CD8A: variants seen among roughly 807,000 people sequenced by gnomAD.
CD8A encodes the protein CD8 subunit alpha.
CD8A carries 25 observed loss-of-function variants against 24.2 expected under a neutral mutation model. The ratio of observed to expected loss-of-function variants is 1.03; its 90% CI spans 0.75 to 1.44. The LOEUF (loss-of-function observed/expected upper bound fraction) is 1.44, where lower values mean the gene tolerates loss of function less well. CD8A is among the 40% of genes most tolerant of loss of function. The pLI is 0.00. For missense variants in CD8A, 360 were observed against 319.7 expected (o/e 1.13, Z -0.96); for synonymous variants, 165 against 149.9 (o/e 1.10, Z -0.74).
chr2:86,790,688 G>A lies in CD8A; in HGVS notation c.50-7C>T. 6 of 1,594,876 alleles carry A rather than the reference G, an allele frequency of 3.8e-6. No homozygotes were observed. The highest frequency in any genetic ancestry group is 1.3e-5 in the African/African-American group (1 of 74,910). ...TGGCTCGGCCTGGCGGCGTCTGCAG[G>A]CGGCAAGCAGCGAGGCTGAGCCCGC... is the stretch of plus-strand genomic sequence containing the variant. On this transcript the variant is annotated splice_polypyrimidine_tract_variant and splice_region_variant and intron_variant, in intron 1 of 5. Transcript: ENST00000283635.
At chr2:86,802,228 G>A (rs1673696117) in intron 2 of CD8A, among the ~76,000 whole-genome samples, 1 of 152,088 alleles carries the variant, frequency 6.6e-6, no homozygotes, top group African/African-American at 2.4e-5. Flanking sequence ...AGTAGAGACA[G>A]GATTTCACCA....
intron 3 of CD8A, among the ~76,000 whole-genome samples, chr2:86,801,060 C>G (rs1453752016): frequency 2.0e-5 from 3 of 152,130 alleles, no homozygotes; most frequent in Non-Finnish European, 4.4e-5. Flanking sequence ...AGGTGAGAAG[C>G]ATGGAACAAA....
Position 86,784,863 on chromosome 2 carries a change from G to C in CD8A, c.*1057C>G. Reference sequence around the variant, plus strand: ...ATTGCTTGTACCATACCTTAAGCAAGGAAGTGCATGTTTGGGACAGCAGTT... The same window carrying C: ...ATTGCTTGTACCATACCTTAAGCAACGAAGTGCATGTTTGGGACAGCAGTT... On this transcript the variant is annotated 3_prime_UTR_variant, in exon 6 of 6. Coordinates refer to ENST00000283635, the MANE Select transcript of CD8A (RefSeq NM_001768.7). The C allele has an allele frequency of 2.2e-6, 1 of 454,080 alleles. No individual in the cohort carries two copies. Among genetic ancestry groups the C allele is most frequent in the South Asian group, 1.6e-5 (1 of 64,470 alleles). The allele number at this position is 454,080 out of a possible 1,614,324, so 28.1% of individuals were successfully genotyped here.
chr2:86,789,542 G>C, intron 3 of CD8A, 98 bp downstream of exon 3: 2 of 1,306,064 alleles, frequency 1.5e-6, no homozygotes, highest in East Asian at 2.3e-5. Context: ...CCACCACTTG[G>C]ACAGCCCTTG....
chr2:86,803,097 G>T (rs1023574111), intron 2 of CD8A, among the ~76,000 whole-genome samples: 4 of 152,158 alleles, frequency 2.6e-5, no homozygotes, highest in Admixed American at 2.6e-4. Flanking sequence ...TGGAAATTAT[G>T]TCCTTTATAG....
In CD8A at chr2:86,790,602, G is replaced by A. The variant is rs756414143; in HGVS notation, c.129C>T (p.Cys43=). The A allele has an allele frequency of 7.5e-6, 12 of 1,610,032 alleles. No individual in the cohort carries two copies. The Middle Eastern group carries it at 6.6e-4, about 89-fold the overall frequency. The part of the protein sequence containing the change: ...WNLGETVELK[C]QVLLSNPTSG... ...ACGTCGGGTTGGACAGCAGCACCTG[G>A]CACTTCAGCTCCACTGTCTCGCCCA... The change falls in exon 2 of 6, where the codon TGC becomes TGT. Residue 43 remains cysteine (C), a synonymous_variant. Transcript: ENST00000283635.
chr2:86,791,480 TC>T (rs1673308136), upstream of CD8A: 1 of 453,628 alleles, frequency 2.2e-6, no homozygotes, highest in Non-Finnish European at 4.4e-6. Context: ...ACCTCATTCT[TC>T]CGGCCTTTCA....
In CD8A at chr2:86,785,563, T is replaced by C. The variant is rs543196538; in HGVS notation, c.*357A>G. 1.4e-4 allele frequency: 72 copies of C among 503,622 alleles called. No individual in the cohort carries two copies. Among genetic ancestry groups the C allele is most frequent in the Non-Finnish European group, 2.3e-4 (60 of 259,336 alleles). 31.2% of individuals were successfully genotyped at this position (503,622 alleles called of 1,614,324 possible). A position where few individuals can be genotyped will look rare whatever the true frequency, so the allele number is the denominator to read the frequency against. On this transcript the variant is annotated 3_prime_UTR_variant, in exon 6 of 6. Transcript: ENST00000283635. ...CTTTGATCAAGCTGTCTCTGGGCTT[T>C]AGCCTCCCCCTTTGTAAAACGGGCG... is the stretch of plus-strand genomic sequence containing the variant.
In CD8A at chr2:86,784,880, A is replaced by T. The variant is rs1022574074; in HGVS notation, c.*1040T>A. 1 of 453,948 alleles carries T rather than the reference A, an allele frequency of 2.2e-6. No homozygotes were observed. Among genetic ancestry groups the T allele is most frequent in the Non-Finnish European group, 4.4e-6 (1 of 226,774 alleles). The allele number at this position is 453,948 out of a possible 1,614,324, so 28.1% of individuals were successfully genotyped here. A position where few individuals can be genotyped will look rare whatever the true frequency, so the allele number is the denominator to read the frequency against. On this transcript the variant is annotated 3_prime_UTR_variant, in exon 6 of 6. Transcript: ENST00000283635. ...TTAAGCAAGGAAGTGCATGTTTGGG[A>T]CAGCAGTTTGGGCTCTCAGCCTCCT...
chr2:86,785,922 A>G lies in CD8A; in HGVS notation c.706T>C (p.Ter236GlnextTer37). The G allele has an allele frequency of 6.2e-7, 1 of 1,610,868 alleles. No individual in the cohort carries two copies. The highest frequency in any genetic ancestry group is 2.2e-5 in the East Asian group (1 of 44,888). ...DKPSLSARYV* is the reference protein window; with the variant it reads ...DKPSLSARYVQ Reference sequence around the variant, plus strand: ...AATGTAGTGGCTGTTGCACAGGGTTAGACGTATCTCGCCGAAAGGCTGGGC... The same window carrying G: ...AATGTAGTGGCTGTTGCACAGGGTTGGACGTATCTCGCCGAAAGGCTGGGC... Residue 236 changes from the stop codon to glutamine, a stop_lost, in exon 6 of 6, where the codon TAA (stop) becomes CAA (glutamine). Coordinates refer to ENST00000283635, the MANE Select transcript of CD8A (RefSeq NM_001768.7).
chr2:86,803,133 T>A (rs1673728739), intron 2 of CD8A, among the ~76,000 whole-genome samples: 1 of 152,240 alleles, frequency 6.6e-6, no homozygotes. Flanking sequence ...GATGTCAAGT[T>A]AAAAGTGAGT....
At chr2:86,803,164 T>C (rs1237395529) in intron 2 of CD8A, among the ~76,000 whole-genome samples, 1 of 152,210 alleles carries the variant, frequency 6.6e-6, no homozygotes, top group Non-Finnish European at 1.5e-5. Context: ...ATTCATTTTA[T>C]AACAGCATTT....
chr2:86,787,898 AGTGT>A lies in CD8A; in HGVS notation c.656+628_656+631del, dbSNP rs34388912. 3.2e-3 allele frequency among the ~76,000 whole-genome samples: 463 copies of A among 144,578 alleles called. 1 individual carries two copies. The highest frequency in any genetic ancestry group is 4.3e-3 in the Non-Finnish European group (284 of 65,792). 94.8% of individuals were successfully genotyped at this position (144,578 alleles called of 152,430 possible). A position where few individuals can be genotyped will look rare whatever the true frequency, so the allele number is the denominator to read the frequency against. ...TTAACAGAGAGGGAGAGAGAGAGAG[AGTGT>A]GTGTGTGTGTGTGTGTGTGTGTGTG... On this transcript the variant is annotated intron_variant, in intron 5 of 5. Transcript: ENST00000283635.
upstream of CD8A, among the ~76,000 whole-genome samples, chr2:86,795,549 C>A (rs564972044): frequency 3.2e-4 from 48 of 152,294 alleles, no homozygotes; most frequent in African/African-American, 1.1e-3. Flanking sequence ...TGGCTGGAAT[C>A]AGGGGCTGGC....
chr2:86,796,435 G>A (rs1297956529), intron 3 of CD8A, among the ~76,000 whole-genome samples: 1 of 152,198 alleles, frequency 6.6e-6, no homozygotes, highest in African/African-American at 2.4e-5. Flanking sequence ...GTAAAGAGAA[G>A]AGGGCATCCC....
At position 86,789,692 on chromosome 2, in the gene CD8A, C is replaced by T. The variant is rs1425376680; in HGVS notation, c.462G>A (p.Ser154=). The T allele has an allele frequency of 1.4e-6, 2 of 1,416,324 alleles. No homozygotes were observed. Among genetic ancestry groups the T allele is most frequent in the Admixed American group, 2.9e-5 (1 of 35,036 alleles). The allele number at this position is 1,416,324 out of a possible 1,614,324, so 87.7% of individuals were successfully genotyped here. The change falls in exon 3 of 6, where the codon TCG becomes TCA. Residue 154 remains serine, a synonymous_variant. Transcript: ENST00000283635. ...CCTCTGGGCGCAGGGACAGGGGCTGCGACGCGATGGTGGGCGCCGGTGTTG... is the reference window on the plus strand; with the variant it reads ...CCTCTGGGCGCAGGGACAGGGGCTGTGACGCGATGGTGGGCGCCGGTGTTG... ...RPPTPAPTIA[S]QPLSLRPEAC...
chr2:86,784,856 T>TA lies in CD8A; in HGVS notation c.*1063dup. On this transcript the variant is annotated 3_prime_UTR_variant, in exon 6 of 6. Coordinates refer to ENST00000283635, the MANE Select transcript of CD8A (RefSeq NM_001768.7). ...GGCAGGCATTGCTTGTACCATACCT[T>TA]AAGCAAGGAAGTGCATGTTTGGGAC... 2.2e-6 allele frequency: 1 copy of TA among 454,100 alleles called. No homozygotes were observed. The highest frequency in any genetic ancestry group is 4.4e-6 in the Non-Finnish European group (1 of 226,784). The allele number at this position is 454,100 out of a possible 1,614,324, so 28.1% of individuals were successfully genotyped here.
chr2:86,800,344 CCCAG>C lies in CD8A; in HGVS notation c.-271+1163_-271+1166del, dbSNP rs1673628813. ...GGGCATGGTGGCAAGCGCCTGTAAT[CCCAG>C]CTACTCAGGAGGCTGAGGCAGGAGA... On this transcript the variant is annotated intron_variant, in intron 3 of 8. Transcript: ENST00000409511. Among the ~76,000 whole-genome samples the C allele has an allele frequency of 2.6e-5, 4 of 151,140 alleles. No individual in the cohort carries two copies. The South Asian group carries it at 8.4e-4, about 32-fold the overall frequency.
chr2:86,791,043 C>G (rs1472230120), upstream of CD8A: 6 of 707,592 alleles, frequency 8.5e-6, no homozygotes, highest in South Asian at 1.5e-5. Flanking sequence ...GGCTGGGGCC[C>G]GTGAATAGGG....
Sources: allele counts gnomAD v4.1 joint callset (sites outside exome capture counted in the v4.1 genomes callset), GRCh38; gene constraint gnomAD v4.1.1; transcripts MANE v1.5; gene names NCBI Gene and HGNC (gene_info 2026-07-23, HGNC 2026-07-21).